LINGO2: variants seen among roughly 807,000 people sequenced by gnomAD.
LINGO2 encodes the protein leucine-rich repeat and immunoglobulin-like domain-containing nogo receptor-interacting protein 2.
LINGO2 carries 14 observed loss-of-function variants against 30.6 expected under a neutral mutation model. The observed-to-expected ratio is 0.46, with a 90% CI of 0.30 to 0.72. The LOEUF (loss-of-function observed/expected upper bound fraction) is 0.72. LINGO2 is among the 30% of genes least tolerant of loss of function. The pLI, the probability that LINGO2 is intolerant of heterozygous loss-of-function variation, is 0.07. For synonymous variants in LINGO2, 317 were observed against 288.5 expected (o/e 1.10, Z -1.00); for missense variants, 729 against 751.7 (o/e 0.97, Z 0.35).
intron 1 of LINGO2, among the ~76,000 whole-genome samples, chr9:28,499,086 C>G (rs189031649): frequency 2.9e-4 from 44 of 152,272 alleles, no homozygotes; most frequent in African/African-American, 9.9e-4. Flanking sequence ...TATCCACACT[C>G]TGAAGAGCAG....
chr9:28,259,103 G>T (rs1822480480), intron 4 of LINGO2, among the ~76,000 whole-genome samples: 2 of 151,878 alleles, frequency 1.3e-5, no homozygotes, highest in Admixed American at 6.6e-5. Context: ...ACAAGAAAAG[G>T]CTTGGTTCTG....
chr9:29,068,638 T>TA, the LINGO2 span, among the ~76,000 whole-genome samples: 1 of 152,028 alleles, frequency 6.6e-6, no homozygotes, highest in Non-Finnish European at 1.5e-5. Flanking sequence ...ACCTAATGGG[T>TA]AGTCCTTATC....
chr9:28,546,078 T>C (rs759692708), intron 1 of LINGO2, among the ~76,000 whole-genome samples: 1 of 152,058 alleles, frequency 6.6e-6, no homozygotes, highest in African/African-American at 2.4e-5. Context: ...ATATGTGGAC[T>C]CTAAAGAAGT....
intron 4 of LINGO2, among the ~76,000 whole-genome samples, chr9:28,038,819 T>G (rs1824067094): frequency 6.6e-6 from 1 of 152,258 alleles, no homozygotes; most frequent in Non-Finnish European, 1.5e-5. Context: ...TGCATGTATT[T>G]TTCAGATACT....
the LINGO2 span, among the ~76,000 whole-genome samples, chr9:28,981,566 C>A: frequency 3.9e-5 from 6 of 152,118 alleles, no homozygotes; most frequent in African/African-American, 1.4e-4. Flanking sequence ...CCTGTCTTGA[C>A]AAACTTATCC....
intron 1 of LINGO2, among the ~76,000 whole-genome samples, chr9:28,633,036 C>T (rs1587994146): frequency 6.6e-6 from 1 of 151,160 alleles, no homozygotes; most frequent in Admixed American, 6.6e-5. Context: ...ATGTGGAGTC[C>T]AGTGTTCAAG....
chr9:28,756,836 T>C, the LINGO2 span, among the ~76,000 whole-genome samples: 2 of 151,926 alleles, frequency 1.3e-5, no homozygotes, highest in South Asian at 4.1e-4. Flanking sequence ...TCCCTAGCCA[T>C]ATGGAACTGT....
chr9:27,985,749 TCCC>T (rs1200992782), intron 5 of LINGO2, among the ~76,000 whole-genome samples: 2 of 151,480 alleles, frequency 1.3e-5, no homozygotes, highest in African/African-American at 4.9e-5. Flanking sequence ...CCCTTGAAAT[TCCC>T]CCCAACACTT....
At chr9:28,286,822 GGGA>G (rs1172866234) in intron 4 of LINGO2, among the ~76,000 whole-genome samples, 1 of 152,122 alleles carries the variant, frequency 6.6e-6, no homozygotes, top group African/African-American at 2.4e-5. Context: ...GGTAGAGGGT[GGGA>G]GGAGGGAGAG....
Position 28,025,442 on chromosome 9 carries a change from G to A in LINGO2, c.-86-13037C>T, listed in dbSNP as rs534334703. On this transcript the variant is annotated intron_variant, in intron 4 of 5. Transcript: ENST00000379992. The stretch of plus-strand genomic sequence containing the variant: ...TACAATAAACATTTCATACCTCAGT[G>A]GACACTCTTTTCTCAGCTAAAAGAA... 5.3e-5 allele frequency among the ~76,000 whole-genome samples: 8 copies of A among 152,230 alleles called. No individual in the cohort carries two copies. In the South Asian group the frequency reaches 1.5e-3, roughly 28 times the overall value.
At chr9:28,651,936 T>A (rs1329401990) in intron 1 of LINGO2, among the ~76,000 whole-genome samples, 11 of 152,182 alleles carry the variant, frequency 7.2e-5, no homozygotes, top group Admixed American at 7.2e-4. Context: ...TTAACTTTAT[T>A]TACTTGTATT....
the LINGO2 span, among the ~76,000 whole-genome samples, chr9:28,896,865 A>T: frequency 6.6e-6 from 1 of 152,108 alleles, no homozygotes; most frequent in African/African-American, 2.4e-5. Context: ...AGTACATATC[A>T]TCTATAGAAA....
intron 4 of LINGO2, among the ~76,000 whole-genome samples, chr9:28,033,633 T>C (rs546146378): frequency 1.3e-5 from 2 of 152,180 alleles, no homozygotes; most frequent in Non-Finnish European, 1.5e-5. Flanking sequence ...TGAGGATGGA[T>C]TACTTTTATA....
intron 5 of LINGO2, among the ~76,000 whole-genome samples, chr9:27,988,463 C>T (rs1484938387): frequency 6.6e-6 from 1 of 152,052 alleles, no homozygotes; most frequent in Admixed American, 6.6e-5. Context: ...TACAGTCCCA[C>T]CAACAGTGTA....
At chr9:28,991,486 C>T in the LINGO2 span, among the ~76,000 whole-genome samples, 1 of 143,822 alleles carries the variant, frequency 7.0e-6, no homozygotes, top group South Asian at 2.3e-4. Flanking sequence ...CAAGGCAGGC[C>T]AATGTTCAGA....
rs888852775 is a variant in LINGO2 at position 28,023,026 on chromosome 9, G to A, written c.-86-10621C>T. 3.3e-5 allele frequency among the ~76,000 whole-genome samples: 5 copies of A among 151,780 alleles called. 1 individual carries two copies. The South Asian group carries it at 6.2e-4, about 19-fold the overall frequency. ...TCTAGCATTTTGATTCTTTCTCAGA[G>A]TTTTCCATATCTCTGATTATATTAA... is the stretch of plus-strand genomic sequence containing the variant. On this transcript the variant is annotated intron_variant, in intron 4 of 5. Transcript: ENST00000379992.
chr9:29,035,459 G>T, the LINGO2 span, among the ~76,000 whole-genome samples: 2 of 151,694 alleles, frequency 1.3e-5, no homozygotes, highest in Non-Finnish European at 2.9e-5. Flanking sequence ...AGACTTGGAC[G>T]GTTGAATCCA....
intron 4 of LINGO2, among the ~76,000 whole-genome samples, chr9:28,062,025 T>C (rs939677152): frequency 6.6e-6 from 1 of 152,132 alleles, no homozygotes; most frequent in African/African-American, 2.4e-5. Context: ...TCTGTCTCAT[T>C]GCCAGAAGGT....
At chr9:29,208,466 C>CATAT in the LINGO2 span, among the ~76,000 whole-genome samples, 1 of 151,924 alleles carries the variant, frequency 6.6e-6, no homozygotes, top group South Asian at 2.1e-4. Flanking sequence ...AATCATCTCC[C>CATAT]ATATATAAAT....
Sources: gnomAD v4.1 joint callset for allele counts (sites outside exome capture counted in the v4.1 genomes callset) on GRCh38, gnomAD v4.1.1 for gene constraint, MANE v1.5 for transcripts, NCBI Gene and HGNC (gene_info 2026-07-23, HGNC 2026-07-21) for gene names.